NKAIN2: variants seen among roughly 807,000 people sequenced by gnomAD.
NKAIN2 encodes the protein sodium/potassium-transporting ATPase subunit beta-1-interacting protein 2.
A neutral mutation model predicts 32.6 loss-of-function variants in NKAIN2; 14 were observed. The observed-to-expected ratio is 0.43, with a 90% CI of 0.28 to 0.67. The LOEUF (loss-of-function observed/expected upper bound fraction) is 0.67. Among genes scored for constraint, NKAIN2 ranks in the 30% least tolerant of loss-of-function variants. The pLI, the probability that NKAIN2 is intolerant of heterozygous loss-of-function variation, is 0.17. For synonymous variants in NKAIN2, 80 were observed against 87.2 expected, an observed-to-expected ratio of 0.92 and a Z score of 0.46; for missense variants, 198 against 258.3, an observed-to-expected ratio of 0.77 and a Z score of 1.60.
Position 124,675,587 on chromosome 6 carries a change from T to C in NKAIN2, c.474+17201T>C, listed in dbSNP as rs186035311. ...TTGATAATTAAGTCTTGATAGATTA[T>C]ATACTTTTAGGAATTTATTCATGTC... is the stretch of plus-strand genomic sequence containing the variant. On this transcript the variant is annotated intron_variant, in intron 4 of 6. Coordinates refer to ENST00000368417, the MANE Select transcript of NKAIN2 (RefSeq NM_001040214.3). Among the ~76,000 whole-genome samples, 8 of 152,244 alleles carry C rather than the reference T, an allele frequency of 5.3e-5. No homozygotes were observed. The East Asian group carries it at 1.5e-3, about 29-fold the overall frequency.
chr6:124,521,282 T>C (rs1050855483), intron 3 of NKAIN2, among the ~76,000 whole-genome samples: 28 of 152,232 alleles, frequency 1.8e-4, no homozygotes, highest in African/African-American at 5.1e-4. Flanking sequence ...AGGTGTTTTC[T>C]ATACATCTTT....
intron 5 of NKAIN2, among the ~76,000 whole-genome samples, chr6:124,801,351 C>G (rs1287377321): frequency 6.6e-6 from 1 of 152,072 alleles, no homozygotes; most frequent in African/African-American, 2.4e-5. Flanking sequence ...TGTGTATAAT[C>G]ATAAAGTTAT....
chr6:124,544,185 TC>T (rs1780008350), intron 3 of NKAIN2, among the ~76,000 whole-genome samples: 1 of 152,084 alleles, frequency 6.6e-6, no homozygotes, highest in African/African-American at 2.4e-5. Flanking sequence ...GGGACTGGGA[TC>T]CCTGAAGAAC....
intron 1 of NKAIN2, among the ~76,000 whole-genome samples, chr6:124,281,609 A>T (rs1019636856): frequency 1.3e-5 from 2 of 152,160 alleles, no homozygotes; most frequent in African/African-American, 4.8e-5. Context: ...TATGGCGAAG[A>T]TGCAATGAGA....
chr6:124,347,987 T>C (rs1399111606), intron 2 of NKAIN2, among the ~76,000 whole-genome samples: 4 of 152,176 alleles, frequency 2.6e-5, no homozygotes, highest in Non-Finnish European at 1.5e-5. Flanking sequence ...TGGTCTTTGA[T>C]GATGGTGATG....
intron 2 of NKAIN2, among the ~76,000 whole-genome samples, chr6:124,336,824 C>T (rs1299188136): frequency 6.6e-6 from 1 of 151,858 alleles, no homozygotes; most frequent in Non-Finnish European, 1.5e-5. Flanking sequence ...CAGGCATGCA[C>T]CCCACACCCG....
intron 3 of NKAIN2, among the ~76,000 whole-genome samples, chr6:124,619,518 G>GA (rs952456258): frequency 1.3e-5 from 2 of 151,996 alleles, no homozygotes; most frequent in Non-Finnish European, 2.9e-5. Flanking sequence ...TTCACTTGAA[G>GA]AAAAAACAAA....
intron 3 of NKAIN2, among the ~76,000 whole-genome samples, chr6:124,602,902 A>C (rs754038725): frequency 2.6e-5 from 4 of 151,958 alleles, no homozygotes; most frequent in Admixed American, 6.6e-5. Flanking sequence ...TTGCTGCTGA[A>C]GATATTTGAT....
At chr6:124,007,178 T>C (rs2114725872) in intron 1 of NKAIN2, among the ~76,000 whole-genome samples, 1 of 152,308 alleles carries the variant, frequency 6.6e-6, no homozygotes. Flanking sequence ...ATGTAAGTAT[T>C]TGTGTATCTA....
At chr6:124,367,347 T>C (rs1799564792) in intron 3 of NKAIN2, among the ~76,000 whole-genome samples, 1 of 152,136 alleles carries the variant, frequency 6.6e-6, no homozygotes, top group South Asian at 2.1e-4. Flanking sequence ...AATCAAATGG[T>C]AATAGAGTGG....
At chr6:124,508,199 G>A (rs1158630376) in intron 3 of NKAIN2, among the ~76,000 whole-genome samples, 1 of 152,032 alleles carries the variant, frequency 6.6e-6, no homozygotes, top group Non-Finnish European at 1.5e-5. Context: ...TAAGGCTGTA[G>A]TGAGCAGTGA....
chr6:124,433,833 G>A (rs997231297), intron 3 of NKAIN2, among the ~76,000 whole-genome samples: 87 of 152,240 alleles, frequency 5.7e-4, no homozygotes, highest in African/African-American at 2.0e-3. Flanking sequence ...CTATCCACGT[G>A]CACCTCTTTG....
chr6:124,727,237 C>T (rs1245506448), intron 4 of NKAIN2, among the ~76,000 whole-genome samples: 32 of 151,588 alleles, frequency 2.1e-4, no homozygotes, highest in Non-Finnish European at 3.8e-4. Context: ...AGAAGAGCAA[C>T]TCCAAGACAC....
chr6:124,214,650 A>C lies in NKAIN2; in HGVS notation c.55-68355A>C, dbSNP rs528406003. On this transcript the variant is annotated intron_variant, in intron 1 of 6. Coordinates refer to ENST00000368417, the MANE Select transcript of NKAIN2 (RefSeq NM_001040214.3). ...CAGGAGGTGGAGATTGCCATGAGCC[A>C]GGATCATGCCACTGCATTCCATCCT... Among the ~76,000 whole-genome samples the C allele has an allele frequency of 3.3e-5, 5 of 152,262 alleles. No homozygotes were observed. In the East Asian group the frequency reaches 9.7e-4, roughly 29 times the overall value.
chr6:124,650,726 CT>C (rs2114395568), intron 3 of NKAIN2, among the ~76,000 whole-genome samples: 1 of 152,250 alleles, frequency 6.6e-6, no homozygotes, highest in East Asian at 1.9e-4. Context: ...CACTGTTGCA[CT>C]GGGTATTAAA....
intron 2 of NKAIN2, among the ~76,000 whole-genome samples, chr6:124,354,844 G>GAAAAAAAA (rs3054410): frequency 2.0e-5 from 2 of 100,752 alleles, no homozygotes. Flanking sequence ...ATAACAGTAA[G>GAAAAAAAA]AAAAAAAAAA....
chr6:124,059,547 G>A (rs1782826810), intron 1 of NKAIN2, among the ~76,000 whole-genome samples: 1 of 152,130 alleles, frequency 6.6e-6, no homozygotes, highest in Admixed American at 6.6e-5. Flanking sequence ...CTCCACAATA[G>A]CAGGGATTTT....
chr6:124,549,990 G>T (rs531861283), intron 3 of NKAIN2, among the ~76,000 whole-genome samples: 2 of 152,262 alleles, frequency 1.3e-5, no homozygotes, highest in South Asian at 2.1e-4. Context: ...TTGAGACCAC[G>T]CAAGTTTCTG....
chr6:124,112,600 A>G (rs939238595), intron 1 of NKAIN2, among the ~76,000 whole-genome samples: 7 of 152,264 alleles, frequency 4.6e-5, no homozygotes, highest in South Asian at 2.1e-4. Context: ...GATGTTCATT[A>G]ACTTCCCCAG....
Sources: allele counts gnomAD v4.1 joint callset (sites outside exome capture counted in the v4.1 genomes callset), GRCh38; gene constraint gnomAD v4.1.1; transcripts MANE v1.5; gene names NCBI Gene and HGNC (gene_info 2026-07-23, HGNC 2026-07-21).